Variants in SORCS2 observed in about 807,000 individuals in gnomAD.
SORCS2 encodes VPS10 domain-containing receptor SorCS2.
SORCS2 carries 100 observed loss-of-function variants against 141.6 expected under a neutral mutation model. That is an observed-to-expected ratio of 0.71 (90% confidence interval 0.60 to 0.83). SORCS2 has a LOEUF of 0.83. SORCS2 is among the 40% of genes least tolerant of loss of function. The pLI, the probability that SORCS2 is intolerant of heterozygous loss-of-function variation, is 0.00. For missense variants in SORCS2, 1,646 were observed against 1,560.2 expected, an observed-to-expected ratio of 1.05 and a Z score of -0.93; for synonymous variants, 789 against 676.9, an observed-to-expected ratio of 1.17 and a Z score of -2.57.
In SORCS2 at chr4:7,571,463, G is replaced by A. The variant is rs111493282; in HGVS notation, c.648+39834G>A. Among the ~76,000 whole-genome samples the A allele has an allele frequency of 7.3e-3, 1,117 of 152,298 alleles. 12 individuals are homozygous for A. The highest frequency in any genetic ancestry group is 0.025 in the African/African-American group (1,057 of 41,562). On this transcript the variant is annotated intron_variant, in intron 3 of 26. Transcript: ENST00000507866. ...CCCAGTGTTTGATGAGAATAGCTCT[G>A]GCCATGCCCCGTGTGGGTGGGGTAG...
chr4:7,712,849 T>C lies in SORCS2; in HGVS notation c.1985T>C (p.Leu662Pro). 6.2e-7 allele frequency: 1 copy of C among 1,613,708 alleles called. No individual in the cohort carries two copies. The highest frequency in any genetic ancestry group is 8.5e-7 in the Non-Finnish European group (1 of 1,179,826). The change falls in exon 15 of 27, where the codon CTG (leucine) becomes CCG (proline). Residue 662 changes from leucine to proline, a missense_variant. Leu to Pro is a moderately conservative substitution (Grantham distance 98). Coordinates refer to ENST00000507866, the MANE Select transcript of SORCS2 (RefSeq NM_020777.3). ...EDYSSWELSNLQGDRCIMGQQ... is the reference protein window; with the variant it reads ...EDYSSWELSNPQGDRCIMGQQ... ...TACAGCTCCTGGGAGCTCTCCAACCTGCAGGTGGGCCGGCATGAGGCTGGG... is the reference window on the plus strand; with the variant it reads ...TACAGCTCCTGGGAGCTCTCCAACCCGCAGGTGGGCCGGCATGAGGCTGGG...
At chr4:7,243,890 C>A (rs1712886279) in intron 1 of SORCS2, among the ~76,000 whole-genome samples, 1 of 152,292 alleles carries the variant, frequency 6.6e-6, no homozygotes, top group African/African-American at 2.4e-5. Flanking sequence ...CATGCATTCC[C>A]CTCTCCCTGG....
At chr4:7,351,112 GC>G (rs751681788) in intron 1 of SORCS2, among the ~76,000 whole-genome samples, 14 of 152,048 alleles carry the variant, frequency 9.2e-5, no homozygotes, top group South Asian at 2.1e-4. Flanking sequence ...CACGCTACAC[GC>G]CCCCCCACTT....
At chr4:7,325,921 C>CAT (rs1342483607) in intron 1 of SORCS2, among the ~76,000 whole-genome samples, 8,290 of 151,550 alleles carry the variant, frequency 0.055, 345 homozygotes, top group East Asian at 0.22. Context: ...GGTTGGTACG[C>CAT]GGTACAGGGG....
At chr4:7,677,989 G>A (rs1242163576) in intron 9 of SORCS2, among the ~76,000 whole-genome samples, 2 of 152,190 alleles carry the variant, frequency 1.3e-5, no homozygotes, top group African/African-American at 4.8e-5. Context: ...GGGTGGGGTG[G>A]GACTCCACGG....
intron 1 of SORCS2, among the ~76,000 whole-genome samples, chr4:7,315,084 C>T (rs779637086): frequency 3.9e-5 from 6 of 152,152 alleles, no homozygotes; most frequent in Non-Finnish European, 8.8e-5. Context: ...CCACCGACCT[C>T]GGCCTCCCAA....
intron 5 of SORCS2, 130 bp from the exon 6 acceptor site, chr4:7,661,370 C>T: frequency 8.7e-6 from 8 of 918,856 alleles, no homozygotes; most frequent in Non-Finnish European, 1.4e-5. Flanking sequence ...TGGTGATGCC[C>T]TCCGGACCCA....
chr4:7,217,999 C>T (rs1247892972), intron 1 of SORCS2, among the ~76,000 whole-genome samples: 1 of 152,144 alleles, frequency 6.6e-6, no homozygotes, highest in African/African-American at 2.4e-5. Context: ...GGCCATTGCA[C>T]CTCTGTGGCC....
chr4:7,434,259 C>A (rs771886332), intron 2 of SORCS2: 1 of 1,613,408 alleles, frequency 6.2e-7, no homozygotes, highest in Non-Finnish European at 8.5e-7. Flanking sequence ...CCTGGATGTT[C>A]AAGTCGGCCA....
intron 2 of SORCS2, among the ~76,000 whole-genome samples, chr4:7,422,249 T>G (rs527728031): frequency 1.3e-5 from 2 of 152,164 alleles, no homozygotes; most frequent in Admixed American, 1.3e-4. Context: ...CTGGGCTGAT[T>G]TGTCTCAGAG....
intron 4 of SORCS2, among the ~76,000 whole-genome samples, chr4:7,640,423 C>CGT (rs1227218526): frequency 1.3e-5 from 1 of 75,942 alleles, no homozygotes; most frequent in Non-Finnish European, 2.8e-5. Context: ...TGTGTGTGAT[C>CGT]GTGTGTGTGA....
At chr4:7,285,971 G>A (rs1160398092) in intron 1 of SORCS2, among the ~76,000 whole-genome samples, 2 of 152,196 alleles carry the variant, frequency 1.3e-5, no homozygotes, top group Non-Finnish European at 2.9e-5. Flanking sequence ...GCGGGGACCA[G>A]CACCACCATT....
chr4:7,430,102 G>A (rs891496045), intron 2 of SORCS2, among the ~76,000 whole-genome samples: 12 of 152,134 alleles, frequency 7.9e-5, no homozygotes, highest in East Asian at 3.9e-4. Context: ...TGGAGGTCAC[G>A]GGAAGTGAAA....
chr4:7,520,298 A>C (rs1367619313), intron 2 of SORCS2, among the ~76,000 whole-genome samples: 5 of 152,338 alleles, frequency 3.3e-5, no homozygotes, highest in African/African-American at 9.6e-5. Flanking sequence ...ATAGATAGCG[A>C]GGGATTCGCT....
intron 1 of SORCS2, among the ~76,000 whole-genome samples, chr4:7,269,951 C>T (rs1014286544): frequency 4.7e-4 from 72 of 152,248 alleles, no homozygotes; most frequent in African/African-American, 1.5e-3. Context: ...GAGATCTTGG[C>T]TCACTGCAAC....
At chr4:7,646,893 G>A (rs1250036723) in intron 4 of SORCS2, among the ~76,000 whole-genome samples, 2 of 152,152 alleles carry the variant, frequency 1.3e-5, no homozygotes, top group African/African-American at 4.8e-5. Context: ...GGGGCGGGAG[G>A]CACATGCGCG....
chr4:7,276,158 C>T (rs1715488702), intron 1 of SORCS2, among the ~76,000 whole-genome samples: 1 of 152,198 alleles, frequency 6.6e-6, no homozygotes, highest in Non-Finnish European at 1.5e-5. Flanking sequence ...CTCCGTGGCT[C>T]CATAGAAGCC....
At chr4:7,333,051 A>G (rs4689710) in intron 1 of SORCS2, among the ~76,000 whole-genome samples, 69,975 of 152,090 alleles carry the variant, frequency 0.46, 16,417 homozygotes, top group East Asian at 0.53. Context: ...CTTTATTCAC[A>G]GAGTGTGTAG....
chr4:7,620,269 G>C (rs533594121), intron 3 of SORCS2, among the ~76,000 whole-genome samples: 1 of 152,308 alleles, frequency 6.6e-6, no homozygotes, highest in South Asian at 2.1e-4. Flanking sequence ...CGCACAGTTG[G>C]GCTTTGTTGG....
Sources: gnomAD v4.1 joint callset for allele counts (sites outside exome capture counted in the v4.1 genomes callset) on GRCh38, gnomAD v4.1.1 for gene constraint, MANE v1.5 for transcripts, NCBI Gene and HGNC (gene_info 2026-07-23, HGNC 2026-07-21) for gene names.